The following GNAO1 variants were observed in gnomAD, a reference collection of about 807,000 sequenced individuals.
GNAO1 encodes G protein subunit alpha o1.
For synonymous variants in GNAO1, 164 were observed against 180.7 expected, an observed-to-expected ratio of 0.91 and a Z score of 0.74; for missense variants, 166 against 478.7, an observed-to-expected ratio of 0.35 and a Z score of 6.10.
At chr16:56,199,627 AC>A (rs1180008041) in intron 2 of GNAO1, among the ~76,000 whole-genome samples, 1 of 152,172 alleles carries the variant, frequency 6.6e-6, no homozygotes, top group Non-Finnish European at 1.5e-5. Context: ...TCATTTGGCC[AC>A]CCTGGGCCTC....
At chr16:56,290,898 A>G (rs1405166672) in intron 3 of GNAO1, among the ~76,000 whole-genome samples, 11 of 152,296 alleles carry the variant, frequency 7.2e-5, no homozygotes, top group South Asian at 2.1e-4. Flanking sequence ...ATCATACACT[A>G]TGTACTCTTT....
chr16:56,305,360 G>A (rs770026158), intron 3 of GNAO1, among the ~76,000 whole-genome samples: 2 of 152,176 alleles, frequency 1.3e-5, no homozygotes, highest in Non-Finnish European at 2.9e-5. Flanking sequence ...TGCTGTTAAA[G>A]AAAAGAAAAT....
At chr16:56,347,437 C>T (rs999773153) in intron 6 of GNAO1, 11 of 985,594 alleles carry the variant, frequency 1.1e-5, no homozygotes, top group African/African-American at 5.2e-5. Context: ...GTAGGGCTCC[C>T]CATCTCCCAC....
At chr16:56,277,410 A>G (rs1239550399) in intron 3 of GNAO1, among the ~76,000 whole-genome samples, 1 of 152,180 alleles carries the variant, frequency 6.6e-6, no homozygotes, top group Non-Finnish European at 1.5e-5. Context: ...GCTTTGAGCT[A>G]GGTGCTGTGG....
At chr16:56,252,309 C>T (rs1472675836) in intron 2 of GNAO1, among the ~76,000 whole-genome samples, 1 of 152,216 alleles carries the variant, frequency 6.6e-6, no homozygotes, top group African/African-American at 2.4e-5. Flanking sequence ...CAAGGCTGGC[C>T]CCCTAGATGC....
At chr16:56,230,120 CT>C (rs1177231092) in intron 2 of GNAO1, among the ~76,000 whole-genome samples, 1 of 145,346 alleles carries the variant, frequency 6.9e-6, no homozygotes, top group Admixed American at 6.7e-5. Flanking sequence ...TGTTCCATAA[CT>C]TTAAAAAAAA....
intron 3 of GNAO1, among the ~76,000 whole-genome samples, chr16:56,320,643 T>C (rs1407677562): frequency 6.6e-6 from 1 of 152,134 alleles, no homozygotes; most frequent in African/African-American, 2.4e-5. Flanking sequence ...GAATCAGATG[T>C]TGGATTCCAT....
At chr16:56,196,189 G>T (rs1018409278) in intron 2 of GNAO1, among the ~76,000 whole-genome samples, 1 of 152,026 alleles carries the variant, frequency 6.6e-6, no homozygotes, top group Non-Finnish European at 1.5e-5. Flanking sequence ...CTCTGTGTCA[G>T]ACAATCCAAA....
chr16:56,194,491 G>A (rs1242945300), intron 2 of GNAO1: 2 of 325,128 alleles, frequency 6.2e-6, no homozygotes, highest in African/African-American at 4.3e-5. Context: ...GTGGTGGACA[G>A]CGCCCAGCCG....
intron 2 of GNAO1, among the ~76,000 whole-genome samples, chr16:56,260,195 C>T (rs1379346572): frequency 3.3e-5 from 5 of 152,178 alleles, no homozygotes; most frequent in Admixed American, 6.5e-5. Flanking sequence ...ACAGAGGCTG[C>T]CGCTACTCTG....
At position 56,286,695 on chromosome 16, in the gene GNAO1, C is replaced by CTG. The variant is rs57968280; in HGVS notation, c.303+10659_303+10660dup. Reference sequence around the variant, plus strand: ...CAGTCTCTTTCTGTCTCTGTCGCCTCTGTGTGTGTGTGTGTGTGTGTGTGT... The same window carrying CTG: ...CAGTCTCTTTCTGTCTCTGTCGCCTCTGTGTGTGTGTGTGTGTGTGTGTGTGT... On this transcript the variant is annotated intron_variant, in intron 3 of 8. Coordinates refer to ENST00000262493, the MANE Select transcript of GNAO1 (RefSeq NM_020988.3). 1.0e-2 allele frequency among the ~76,000 whole-genome samples: 1,449 copies of CTG among 144,984 alleles called. 6 individuals carry two copies. The highest frequency in any genetic ancestry group is 0.035 in the East Asian group (173 of 4,928).
intron 2 of GNAO1, among the ~76,000 whole-genome samples, chr16:56,214,413 A>AG (rs1356058634): frequency 6.6e-6 from 1 of 152,202 alleles, no homozygotes; most frequent in African/African-American, 2.4e-5. Flanking sequence ...GCAGAGTCAC[A>AG]GGGGCAGGTT....
chr16:56,304,106 G>A (rs1229712872), intron 3 of GNAO1, among the ~76,000 whole-genome samples: 1 of 152,202 alleles, frequency 6.6e-6, no homozygotes, highest in African/African-American at 2.4e-5. Context: ...AGGGCGCCTG[G>A]TATAGGAGCC....
At chr16:56,232,959 A>G (rs558616175) in intron 2 of GNAO1, among the ~76,000 whole-genome samples, 29 of 152,298 alleles carry the variant, frequency 1.9e-4, no homozygotes, top group South Asian at 1.0e-3. Flanking sequence ...CCCTTACTCA[A>G]ATGGCTTTCA....
chr16:56,266,751 A>G (rs2036957771), intron 2 of GNAO1, among the ~76,000 whole-genome samples: 1 of 152,176 alleles, frequency 6.6e-6, no homozygotes, highest in Non-Finnish European at 1.5e-5. Context: ...TCCCCATTTT[A>G]CAGGGGAGAG....
intron 2 of GNAO1, among the ~76,000 whole-genome samples, chr16:56,271,684 A>G (rs1417406419): frequency 6.6e-6 from 1 of 152,012 alleles, no homozygotes; most frequent in Non-Finnish European, 1.5e-5. Context: ...CAAACTCCTG[A>G]CCTCGTGATC....
intron 3 of GNAO1, among the ~76,000 whole-genome samples, chr16:56,325,317 A>G (rs766701073): frequency 3.9e-5 from 6 of 152,158 alleles, no homozygotes; most frequent in Non-Finnish European, 7.4e-5. Flanking sequence ...TCTCTACTAA[A>G]AGTACAAAAT....
intron 1 of GNAO1, 47 bp downstream of exon 1, chr16:56,192,400 G>T: frequency 1.5e-6 from 1 of 672,632 alleles, no homozygotes. Flanking sequence ...CGGCCACTCC[G>T]CACCCCCTGC....
intron 2 of GNAO1, among the ~76,000 whole-genome samples, chr16:56,266,110 A>T (rs1346817776): frequency 1.3e-5 from 2 of 151,772 alleles, no homozygotes; most frequent in Non-Finnish European, 2.9e-5. Flanking sequence ...TGTGTTTATT[A>T]CTCTGTAATA....
Sources: gnomAD v4.1 joint callset for allele counts (sites outside exome capture counted in the v4.1 genomes callset) on GRCh38, gnomAD v4.1.1 for gene constraint, MANE v1.5 for transcripts, NCBI Gene and HGNC (gene_info 2026-07-23, HGNC 2026-07-21) for gene names.